OSBPL10: variants seen among roughly 807,000 people sequenced by gnomAD.
OSBPL10 encodes the protein oxysterol-binding protein-related protein 10.
A neutral mutation model predicts 81.7 loss-of-function variants in OSBPL10; 49 were observed. That is an observed-to-expected ratio of 0.60 (90% CI 0.48 to 0.76). The LOEUF (loss-of-function observed/expected upper bound fraction) is 0.76, where lower values mean the gene tolerates loss of function less well. Among genes scored for constraint, OSBPL10 ranks in the 30% least tolerant of loss-of-function variants. OSBPL10 has a pLI of 0.00. For missense variants in OSBPL10, 923 were observed against 987.8 expected, an observed-to-expected ratio of 0.93 and a Z score of 0.88; for synonymous variants, 419 against 383.6, an observed-to-expected ratio of 1.09 and a Z score of -1.08.
intron 3 of OSBPL10, among the ~76,000 whole-genome samples, chr3:31,865,036 AAAG>A (rs1437089916): frequency 6.6e-6 from 1 of 152,134 alleles, no homozygotes; most frequent in East Asian, 1.9e-4. Context: ...CCGAGGTCCT[AAAG>A]AAGACCAGGA....
At chr3:31,839,568 C>T (rs906088856) in intron 3 of OSBPL10, among the ~76,000 whole-genome samples, 7 of 151,752 alleles carry the variant, frequency 4.6e-5, no homozygotes, top group East Asian at 1.9e-4. Flanking sequence ...GGCCAGAGAA[C>T]GCTTCATGAG....
intron 6 of OSBPL10, among the ~76,000 whole-genome samples, chr3:31,720,838 C>T (rs116218356): frequency 0.048 from 6,634 of 139,228 alleles, 513 homozygotes; most frequent in African/African-American, 0.17. Context: ...GCCAAGATCA[C>T]GCTACTGCAC....
intron 2 of OSBPL10, among the ~76,000 whole-genome samples, chr3:32,021,517 C>T (rs1699364177): frequency 6.6e-6 from 1 of 152,174 alleles, no homozygotes; most frequent in South Asian, 2.1e-4. Flanking sequence ...TTTTTTATTT[C>T]AGCCATTCTG....
intron 6 of OSBPL10, among the ~76,000 whole-genome samples, chr3:31,720,809 A>T (rs951805115): frequency 4.1e-5 from 6 of 146,856 alleles, no homozygotes; most frequent in Non-Finnish European, 6.0e-5. Context: ...CTGAGGCATG[A>T]TAATCACTTG....
chr3:31,876,484 C>T lies in OSBPL10; in HGVS notation c.486G>A (p.Trp162Ter), dbSNP rs1303099062. The change falls in exon 3 of 12, where the codon TGG (tryptophan) becomes TGA (stop). Residue 162 changes from tryptophan (W) to a stop codon, truncating the protein, a stop_gained. Coordinates refer to ENST00000396556, the MANE Select transcript of OSBPL10 (RefSeq NM_017784.5). LOFTEE classifies it high-confidence loss of function. ...TGGCACAAGCTCGAAGCTGAGTCAC[C>T]CAGAATTGTTTCTCTTTTGCATCAG... ...RAADAKEKQF[W>*]VTQLRACAKY... is the part of the protein sequence containing the mutation. 6.2e-7 allele frequency: 1 copy of T among 1,613,492 alleles called. No individual in the cohort carries two copies. The highest frequency in any genetic ancestry group is 8.5e-7 in the Non-Finnish European group (1 of 1,179,484).
At chr3:31,727,820 A>G (rs1216896873) in intron 6 of OSBPL10, among the ~76,000 whole-genome samples, 1 of 152,206 alleles carries the variant, frequency 6.6e-6, no homozygotes, top group Non-Finnish European at 1.5e-5. Flanking sequence ...ACCTTTATGT[A>G]TCATGGGGAT....
At chr3:31,915,608 A>G (rs1338320767) in intron 1 of OSBPL10, among the ~76,000 whole-genome samples, 1 of 152,166 alleles carries the variant, frequency 6.6e-6, no homozygotes, top group Non-Finnish European at 1.5e-5. Context: ...GGGCGACTAA[A>G]GTAGGGAAGG....
intron 2 of OSBPL10, among the ~76,000 whole-genome samples, chr3:32,012,548 A>C (rs1168613016): frequency 3.3e-5 from 5 of 152,214 alleles, no homozygotes; most frequent in African/African-American, 4.8e-5. Flanking sequence ...CGAGCAAAAT[A>C]ACCAGCTAAC....
Position 31,830,029 on chromosome 3 carries a change from G to T in OSBPL10, c.729+11C>A. ...CGGGGCTGCTTAACCTAGTAGGAGA[G>T]CAAAGCCTACCTCTCTGACTTCGTG... On this transcript the variant is annotated intron_variant, in intron 4 of 11. Transcript: ENST00000396556. 1 of 1,608,706 alleles carries T rather than the reference G, an allele frequency of 6.2e-7. No individual in the cohort carries two copies. The highest frequency in any genetic ancestry group is 8.5e-7 in the Non-Finnish European group (1 of 1,178,000).
At chr3:31,742,205 G>A (rs1697373154) in intron 5 of OSBPL10, among the ~76,000 whole-genome samples, 1 of 152,204 alleles carries the variant, frequency 6.6e-6, no homozygotes, top group East Asian at 1.9e-4. Context: ...TGGTAGAAAA[G>A]AGATGAAAAA....
At chr3:31,896,468 T>C (rs1315820457) in intron 1 of OSBPL10, among the ~76,000 whole-genome samples, 1 of 152,180 alleles carries the variant, frequency 6.6e-6, no homozygotes, top group East Asian at 1.9e-4. Context: ...CGTGCCCATC[T>C]CCAGCTCCCT....
intron 4 of OSBPL10, among the ~76,000 whole-genome samples, chr3:31,788,789 A>T (rs541784159): frequency 8.9e-4 from 135 of 152,224 alleles, no homozygotes; most frequent in Non-Finnish European, 6.8e-4. Context: ...AAAAAAAAAT[A>T]ATAATAAAAA....
At chr3:31,707,069 C>T (rs979253931) in intron 6 of OSBPL10, 3 of 152,120 alleles carry the variant, frequency 2.0e-5, no homozygotes, top group Non-Finnish European at 2.9e-5. Flanking sequence ...TTGTACATGG[C>T]CTTATAACCT....
At chr3:31,937,958 T>G (rs552894640) in intron 1 of OSBPL10, among the ~76,000 whole-genome samples, 110 of 152,126 alleles carry the variant, frequency 7.2e-4, no homozygotes, top group Non-Finnish European at 1.4e-3. Flanking sequence ...CCCAATTAGT[T>G]CCTTGACCTC....
chr3:31,840,960 G>C (rs1700478249), intron 3 of OSBPL10, among the ~76,000 whole-genome samples: 1 of 152,212 alleles, frequency 6.6e-6, no homozygotes, highest in Non-Finnish European at 1.5e-5. Flanking sequence ...CCAGGCTGGA[G>C]TGCAATGGCG....
At chr3:31,736,028 C>T (rs1466948063) in intron 5 of OSBPL10, among the ~76,000 whole-genome samples, 1 of 151,994 alleles carries the variant, frequency 6.6e-6, no homozygotes, top group African/African-American at 2.4e-5. Context: ...AAGAAGAGTG[C>T]ACGTTATAGC....
intron 1 of OSBPL10, among the ~76,000 whole-genome samples, chr3:31,980,006 A>ATTTTAT (rs200304753): frequency 6.7e-6 from 1 of 148,286 alleles, no homozygotes; most frequent in East Asian, 1.9e-4. Context: ...ATTTTATTTT[A>ATTTTAT]TTTATTTATT....
chr3:31,759,678 C>T (rs1490135621), intron 4 of OSBPL10, among the ~76,000 whole-genome samples: 4 of 152,060 alleles, frequency 2.6e-5, no homozygotes, highest in East Asian at 1.9e-4. Context: ...GAAGGCTTAC[C>T]GATAACATTA....
At chr3:31,857,850 GAAA>G (rs1700963892) in intron 3 of OSBPL10, among the ~76,000 whole-genome samples, 2 of 131,792 alleles carry the variant, frequency 1.5e-5, no homozygotes, top group African/African-American at 3.0e-5. Flanking sequence ...AAGAGGGAGG[GAAA>G]GAAGGAGGGA....
Sources: allele counts gnomAD v4.1 joint callset (sites outside exome capture counted in the v4.1 genomes callset), GRCh38; gene constraint gnomAD v4.1.1; transcripts MANE v1.5; gene names NCBI Gene and HGNC (gene_info 2026-07-23, HGNC 2026-07-21).